The following TRIP12 variants were observed in gnomAD, a reference collection of about 807,000 sequenced individuals.
TRIP12 encodes thyroid hormone receptor interactor 12.
A neutral mutation model predicts 244.2 loss-of-function variants in TRIP12; 25 were observed. The observed-to-expected ratio is 0.10, with a 90% CI of 0.07 to 0.14. The LOEUF (loss-of-function observed/expected upper bound fraction) is 0.14. TRIP12 is among the 10% of genes least tolerant of loss of function. TRIP12 has a pLI of 1.00. For synonymous variants in TRIP12, 905 were observed against 873.1 expected (o/e 1.04, Z -0.64); for missense variants, 1,677 against 2,486.4 (o/e 0.67, Z 6.92).
At chr2:229,903,899 G>A (rs978246969) in intron 1 of TRIP12, among the ~76,000 whole-genome samples, 18 of 151,012 alleles carry the variant, frequency 1.2e-4, no homozygotes, top group South Asian at 4.2e-4. Context: ...GCCAGGCATC[G>A]TGATGCACGC....
intron 21 of TRIP12, among the ~76,000 whole-genome samples, chr2:229,802,006 G>A (rs1443596496): frequency 6.6e-6 from 1 of 152,076 alleles, no homozygotes; most frequent in Non-Finnish European, 1.5e-5. Context: ...AGTCACAAAT[G>A]TCTCTGAACT....
At chr2:229,830,371 C>T (rs975104846) in intron 7 of TRIP12, among the ~76,000 whole-genome samples, 5 of 152,060 alleles carry the variant, frequency 3.3e-5, no homozygotes, top group Non-Finnish European at 2.9e-5. Context: ...CTTAGTGTTC[C>T]AATAATGGAA....
At chr2:229,897,243 C>T (rs2069106768) in intron 1 of TRIP12, among the ~76,000 whole-genome samples, 1 of 152,160 alleles carries the variant, frequency 6.6e-6, no homozygotes, top group African/African-American at 2.4e-5. Flanking sequence ...TTTATATACA[C>T]TTCATTTATA....
chr2:229,821,419 G>C (rs543269861), intron 8 of TRIP12, among the ~76,000 whole-genome samples: 2 of 152,136 alleles, frequency 1.3e-5, no homozygotes, highest in Admixed American at 1.3e-4. Context: ...GCAGGAAAAC[G>C]TTCTCTTTCA....
At chr2:229,911,790 TATTTA>T (rs914484324) in intron 1 of TRIP12, among the ~76,000 whole-genome samples, 3 of 152,172 alleles carry the variant, frequency 2.0e-5, no homozygotes, top group Non-Finnish European at 4.4e-5. Flanking sequence ...TTTATTAGAA[TATTTA>T]ATTTGATTAA....
intron 2 of TRIP12, among the ~76,000 whole-genome samples, chr2:229,874,131 T>C (rs1226700355): frequency 6.6e-6 from 1 of 150,986 alleles, no homozygotes; most frequent in Non-Finnish European, 1.5e-5. Context: ...AGAGTAAGTA[T>C]CTCCAAAATT....
At chr2:229,796,024 T>C (rs1390827204) in intron 25 of TRIP12, among the ~76,000 whole-genome samples, 1 of 152,200 alleles carries the variant, frequency 6.6e-6, no homozygotes. Context: ...TTTAAGCCAC[T>C]GTAAAACAAG....
chr2:229,855,859 T>G (rs778674054), intron 4 of TRIP12, among the ~76,000 whole-genome samples: 1 of 151,962 alleles, frequency 6.6e-6, no homozygotes, highest in Non-Finnish European at 1.5e-5. Flanking sequence ...CTGGTCAATA[T>G]GGCGAAACCC....
chr2:229,791,806 A>G (rs2041617895), intron 29 of TRIP12, 60 bp downstream of exon 29: 2 of 1,562,342 alleles, frequency 1.3e-6, no homozygotes, highest in Non-Finnish European at 1.7e-6. Context: ...TGTGAATTCT[A>G]AAACACAAGA....
intron 39 of TRIP12, among the ~76,000 whole-genome samples, chr2:229,770,859 A>G (rs935408243): frequency 6.6e-6 from 1 of 152,214 alleles, no homozygotes; most frequent in African/African-American, 2.4e-5. Context: ...GTCTGCTGCC[A>G]TGTGAGATGT....
intron 4 of TRIP12, among the ~76,000 whole-genome samples, chr2:229,844,687 T>C (rs576941394): frequency 1.3e-5 from 2 of 152,208 alleles, no homozygotes; most frequent in African/African-American, 2.4e-5. Flanking sequence ...GATAAGACTC[T>C]ATAAAAATCG....
At chr2:229,911,497 G>A (rs1439041908) in intron 1 of TRIP12, among the ~76,000 whole-genome samples, 1 of 152,180 alleles carries the variant, frequency 6.6e-6, no homozygotes, top group Non-Finnish European at 1.5e-5. Flanking sequence ...AACTGTGCTA[G>A]ATAGGAAGAG....
intron 1 of TRIP12, among the ~76,000 whole-genome samples, chr2:229,902,126 T>C (rs1055847837): frequency 3.3e-5 from 5 of 152,044 alleles, no homozygotes; most frequent in Non-Finnish European, 7.4e-5. Flanking sequence ...CTCATGCCTG[T>C]AACTCTAGCA....
intron 4 of TRIP12, among the ~76,000 whole-genome samples, chr2:229,850,188 A>G (rs2058388436): frequency 6.6e-6 from 1 of 152,236 alleles, no homozygotes; most frequent in African/African-American, 2.4e-5. Context: ...ATGGCCATTT[A>G]TAATTTCCAA....
At chr2:229,880,772 C>T (rs925355758) in intron 1 of TRIP12, among the ~76,000 whole-genome samples, 1 of 152,048 alleles carries the variant, frequency 6.6e-6, no homozygotes, top group African/African-American at 2.4e-5. Flanking sequence ...GATGAAACCC[C>T]GTCTCTACTG....
Position 229,764,299 on chromosome 2 carries a change from T to C in TRIP12, c.*3255A>G, listed in dbSNP as rs560308700. On this transcript the variant is annotated 3_prime_UTR_variant, in exon 42 of 42. Coordinates refer to ENST00000675903, the MANE Select transcript of TRIP12 (RefSeq NM_001348323.3). ...ACTGCAATGTCAAACCTAAGACTTA[T>C]ACAAAAGCATTTCTCAGAGAATCAT... 6.6e-6 allele frequency: 1 copy of C among 152,332 alleles called. No individual in the cohort carries two copies. The highest frequency in any genetic ancestry group is 2.4e-5 in the African/African-American group (1 of 41,576). The allele number at this position is 152,332 out of a possible 1,614,324, so 9.4% of individuals were successfully genotyped here. A position where few individuals can be genotyped will look rare whatever the true frequency, so the allele number is the denominator to read the frequency against.
At chr2:229,892,825 C>T (rs796470456) in intron 1 of TRIP12, among the ~76,000 whole-genome samples, 3 of 152,124 alleles carry the variant, frequency 2.0e-5, no homozygotes, top group African/African-American at 7.2e-5. Flanking sequence ...GAGATTGCAC[C>T]ACTGCACTCC....
At chr2:229,915,446 A>T (rs931619237) in intron 1 of TRIP12, among the ~76,000 whole-genome samples, 2 of 152,208 alleles carry the variant, frequency 1.3e-5, no homozygotes, top group Non-Finnish European at 2.9e-5. Context: ...CAAAATAAGA[A>T]TCAAAATTTT....
chr2:229,859,644 C>T, intron 3 of TRIP12, 70 bp from the exon 4 acceptor site: 1 of 1,481,042 alleles, frequency 6.8e-7, no homozygotes, highest in Non-Finnish European at 9.0e-7. Context: ...ATAATGCTTT[C>T]AAAAAATAAA....
Sources: gnomAD v4.1 joint callset for allele counts (sites outside exome capture counted in the v4.1 genomes callset) on GRCh38, gnomAD v4.1.1 for gene constraint, MANE v1.5 for transcripts, NCBI Gene and HGNC (gene_info 2026-07-23, HGNC 2026-07-21) for gene names.